FBXL13: variants seen among roughly 807,000 people sequenced by gnomAD.
The protein encoded by FBXL13 is F-box and leucine-rich repeat protein 13.
Under a neutral mutation model 83.6 loss-of-function variants are expected in FBXL13, and 67 were observed. The observed-to-expected ratio is 0.80, with a 90% confidence interval of 0.66 to 0.98. FBXL13 has a LOEUF of 0.98. Among genes scored for constraint, FBXL13 ranks in the 50% least tolerant of loss-of-function variants. FBXL13 has a pLI of 0.00. For synonymous variants in FBXL13, 272 were observed against 299.5 expected (o/e 0.91, Z 0.95); for missense variants, 822 against 866.5 (o/e 0.95, Z 0.64).
chr7:102,866,017 T>C (rs6968559), intron 16 of FBXL13, among the ~76,000 whole-genome samples: 5,471 of 152,276 alleles, frequency 0.036, 303 homozygotes, highest in African/African-American at 0.13. Context: ...AATTTTGTAA[T>C]CATATTTCTT....
intron 8 of FBXL13, chr7:102,945,038 C>T (rs1338668779): frequency 6.5e-6 from 1 of 153,424 alleles, no homozygotes; most frequent in African/African-American, 2.4e-5. Context: ...CATTCCCTAC[C>T]CCTCTACTTT....
intron 19 of FBXL13, among the ~76,000 whole-genome samples, chr7:102,814,673 A>G (rs1386053522): frequency 1.3e-5 from 2 of 152,228 alleles, no homozygotes; most frequent in Non-Finnish European, 2.9e-5. Context: ...AGCAATTATC[A>G]TATACTAATT....
chr7:102,892,901 T>C (rs953654023), intron 11 of FBXL13, among the ~76,000 whole-genome samples: 14 of 152,206 alleles, frequency 9.2e-5, no homozygotes, highest in Non-Finnish European at 1.6e-4. Flanking sequence ...AAATAGGCCA[T>C]GGTGAGAGTA....
At chr7:102,826,647 C>T (rs1799665550) in intron 18 of FBXL13, among the ~76,000 whole-genome samples, 1 of 144,362 alleles carries the variant, frequency 6.9e-6, no homozygotes, top group Non-Finnish European at 1.5e-5. Flanking sequence ...ATCACTTGAG[C>T]CTGGGAGGTT....
chr7:103,043,587 C>T (rs886504756), intron 2 of FBXL13, among the ~76,000 whole-genome samples: 1 of 152,236 alleles, frequency 6.6e-6, no homozygotes, highest in East Asian at 1.9e-4. Flanking sequence ...TCTCAGCTCA[C>T]TGCAACCTCA....
At chr7:102,892,929 A>G (rs1260069055) in intron 11 of FBXL13, among the ~76,000 whole-genome samples, 1 of 152,216 alleles carries the variant, frequency 6.6e-6, no homozygotes, top group Non-Finnish European at 1.5e-5. Context: ...CATAGAATTC[A>G]GCCAACACTA....
At chr7:103,004,905 T>G (rs1790819500) in intron 6 of FBXL13, among the ~76,000 whole-genome samples, 1 of 152,194 alleles carries the variant, frequency 6.6e-6, no homozygotes, top group Admixed American at 6.5e-5. Flanking sequence ...ACGTTACTCC[T>G]TCAACTAACT....
chr7:102,943,830 T>C (rs919728146), intron 8 of FBXL13, among the ~76,000 whole-genome samples: 8 of 152,212 alleles, frequency 5.3e-5, no homozygotes, highest in Non-Finnish European at 1.2e-4. Flanking sequence ...CTTATTGGCC[T>C]TATTCAGAGA....
chr7:102,994,684 G>A (rs2129484836), intron 6 of FBXL13, among the ~76,000 whole-genome samples: 1 of 152,316 alleles, frequency 6.6e-6, no homozygotes, highest in East Asian at 1.9e-4. Context: ...TTTCCACTCA[G>A]GTCCTCTTAT....
intron 6 of FBXL13, among the ~76,000 whole-genome samples, chr7:103,015,286 A>G (rs915721570): frequency 6.6e-6 from 1 of 152,208 alleles, no homozygotes; most frequent in African/African-American, 2.4e-5. Context: ...CCAGAACAAG[A>G]CAAGGATGCC....
intron 6 of FBXL13, among the ~76,000 whole-genome samples, chr7:102,993,232 C>G (rs1438886429): frequency 6.6e-6 from 1 of 152,206 alleles, no homozygotes; most frequent in African/African-American, 2.4e-5. Flanking sequence ...TGGGAATATT[C>G]TTTTGTTTTA....
chr7:102,970,872 C>T (rs1826562902), intron 6 of FBXL13, among the ~76,000 whole-genome samples: 1 of 151,714 alleles, frequency 6.6e-6, no homozygotes, highest in South Asian at 2.1e-4. Context: ...TGAATATGTA[C>T]CTGAAGAAAT....
At chr7:102,877,319 C>T in intron 16 of FBXL13, 148 bp downstream of exon 17, 1 of 638,160 alleles carries the variant, frequency 1.6e-6, no homozygotes, top group Non-Finnish European at 2.3e-6. Flanking sequence ...TTTTCTATCA[C>T]CCTTCTAGAA....
chr7:102,894,871 T>A (rs764470580), intron 11 of FBXL13, among the ~76,000 whole-genome samples: 13 of 152,182 alleles, frequency 8.5e-5, no homozygotes, highest in African/African-American at 1.2e-4. Flanking sequence ...AGCCTTGCTC[T>A]AGCAAGTTAC....
At chr7:102,855,222 G>T (rs1267721341) in intron 16 of FBXL13, among the ~76,000 whole-genome samples, 1 of 152,088 alleles carries the variant, frequency 6.6e-6, no homozygotes, top group East Asian at 1.9e-4. Context: ...TGTGGATAAA[G>T]AACCTATTTG....
At chr7:102,914,581 C>T (rs1056172822) in intron 10 of FBXL13, among the ~76,000 whole-genome samples, 2 of 152,234 alleles carry the variant, frequency 1.3e-5, no homozygotes, top group African/African-American at 4.8e-5. Flanking sequence ...ATAAGATATA[C>T]AAGCACTGAC....
intron 2 of FBXL13, among the ~76,000 whole-genome samples, chr7:103,033,062 TC>T (rs1394171680): frequency 1.3e-5 from 2 of 151,812 alleles, no homozygotes; most frequent in Admixed American, 1.3e-4. Context: ...TCTCTCTCCA[TC>T]CCCCCATACA....
At chr7:103,029,311 A>C in intron 3 of FBXL13, 40 bp downstream of exon 4, 1 of 1,313,812 alleles carries the variant, frequency 7.6e-7, no homozygotes, top group Non-Finnish European at 1.1e-6. Flanking sequence ...TCAAGAATAA[A>C]AACTCAAAGA....
intron 9 of FBXL13, among the ~76,000 whole-genome samples, chr7:102,929,323 CTG>C (rs1324212938): frequency 2.0e-5 from 3 of 152,042 alleles, no homozygotes; most frequent in African/African-American, 7.2e-5. Context: ...TGTGAAGTAT[CTG>C]TGTTGAAGTA....
Sources: allele counts gnomAD v4.1 joint callset (sites outside exome capture counted in the v4.1 genomes callset), GRCh38; gene constraint gnomAD v4.1.1; transcripts MANE v1.5; gene names NCBI Gene and HGNC (gene_info 2026-07-23, HGNC 2026-07-21).